TXNDC9: variants seen among roughly 807,000 people sequenced by gnomAD.
TXNDC9 encodes thioredoxin domain-containing protein 9.
TXNDC9 carries 7 observed loss-of-function variants against 23.0 expected under a neutral mutation model. The ratio of observed to expected loss-of-function variants is 0.30; its 90% CI spans 0.17 to 0.57. TXNDC9 has a LOEUF of 0.57. Ranked by LOEUF, TXNDC9 falls within the 20% of genes least tolerant of loss-of-function variation. TXNDC9 has a pLI of 0.90. For synonymous variants in TXNDC9, 72 were observed against 90.6 expected, an observed-to-expected ratio of 0.79 and a Z score of 1.17; for missense variants, 198 against 252.6, an observed-to-expected ratio of 0.78 and a Z score of 1.47.
At chr2:99,334,690 T>C (rs2094234432) in intron 1 of TXNDC9, among the ~76,000 whole-genome samples, 1 of 152,238 alleles carries the variant, frequency 6.6e-6, no homozygotes, top group African/African-American at 2.4e-5. Context: ...AAATGGAGTA[T>C]TTTGTACTAG....
intron 2 of TXNDC9, among the ~76,000 whole-genome samples, chr2:99,327,924 A>G (rs2094216552): frequency 2.0e-5 from 3 of 151,496 alleles, no homozygotes; most frequent in Admixed American, 2.0e-4. Context: ...AGCTGGGACT[A>G]CAGGCGGGCA....
chr2:99,314,098 T>C (rs898296864), downstream of TXNDC9, among the ~76,000 whole-genome samples: 1 of 152,236 alleles, frequency 6.6e-6, no homozygotes, highest in Admixed American at 6.5e-5. Flanking sequence ...TTTGCACTGA[T>C]TGCTCTGCGG....
intron 3 of TXNDC9, among the ~76,000 whole-genome samples, chr2:99,323,179 G>A (rs2094206286): frequency 6.6e-6 from 1 of 152,076 alleles, no homozygotes; most frequent in Non-Finnish European, 1.5e-5. Context: ...GGCTGAGGCA[G>A]GCGGATCACT....
intron 2 of TXNDC9, among the ~76,000 whole-genome samples, chr2:99,331,765 T>A (rs1318388339): frequency 6.6e-6 from 1 of 152,178 alleles, no homozygotes; most frequent in Admixed American, 6.5e-5. Context: ...GGTCTTGCTC[T>A]ATCATCCAGG....
chr2:99,316,229 A>G (rs2094188858), downstream of TXNDC9, among the ~76,000 whole-genome samples: 1 of 151,990 alleles, frequency 6.6e-6, no homozygotes, highest in African/African-American at 2.4e-5. Context: ...ATGCTGGAGT[A>G]TAGTGGTGCA....
the TXNDC9 span, among the ~76,000 whole-genome samples, chr2:99,309,520 A>C: frequency 4.6e-5 from 7 of 152,034 alleles, no homozygotes; most frequent in Non-Finnish European, 8.8e-5. Flanking sequence ...ATTAAAAAAA[A>C]AGAAAAGAAA....
At chr2:99,306,704 T>C in the TXNDC9 span, 4 of 427,242 alleles carry the variant, frequency 9.4e-6, no homozygotes, top group African/African-American at 4.1e-5. Flanking sequence ...TCTCCCCACA[T>C]TGCTGAACTG....
At chr2:99,330,671 A>G (rs565330231) in intron 2 of TXNDC9, among the ~76,000 whole-genome samples, 50 of 152,202 alleles carry the variant, frequency 3.3e-4, no homozygotes, top group Non-Finnish European at 5.0e-4. Flanking sequence ...GCTCTAGTTA[A>G]CAGTAGGAGG....
At chr2:99,310,511 C>G in the TXNDC9 span, among the ~76,000 whole-genome samples, 1 of 152,146 alleles carries the variant, frequency 6.6e-6, no homozygotes, top group African/African-American at 2.4e-5. Flanking sequence ...TGATTGGAAT[C>G]ACTAATGTGA....
At chr2:99,317,815 G>A (rs761823139), downstream of TXNDC9, among the ~76,000 whole-genome samples, 3 of 151,914 alleles carry the variant, frequency 2.0e-5, no homozygotes, top group Admixed American at 6.6e-5. Context: ...GGCACAAGTC[G>A]CCGCAGTTTA....
downstream of TXNDC9, among the ~76,000 whole-genome samples, chr2:99,316,089 CAT>C (rs1183275069): frequency 6.7e-6 from 1 of 148,714 alleles, no homozygotes; most frequent in Non-Finnish European, 1.5e-5. Context: ...TCCTCTGACT[CAT>C]AAAATAAAGC....
At chr2:99,306,369 ATGG>A in the TXNDC9 span, among the ~76,000 whole-genome samples, 1 of 152,062 alleles carries the variant, frequency 6.6e-6, no homozygotes, top group Non-Finnish European at 1.5e-5. Context: ...AGCCAGGGAC[ATGG>A]TGGCTCATAG....
chr2:99,306,779 C>T, the TXNDC9 span: 1 of 455,402 alleles, frequency 2.2e-6, no homozygotes, highest in African/African-American at 2.0e-5. Flanking sequence ...GGCCCTAGGG[C>T]CACCACCTGT....
intron 1 of TXNDC9, among the ~76,000 whole-genome samples, chr2:99,335,652 T>C (rs1370729664): frequency 1.3e-5 from 2 of 152,082 alleles, no homozygotes; most frequent in African/African-American, 4.8e-5. Flanking sequence ...AGATACTGAA[T>C]TGAACGTTGG....
chr2:99,312,682 A>G, the TXNDC9 span, among the ~76,000 whole-genome samples: 1 of 152,200 alleles, frequency 6.6e-6, no homozygotes, highest in Non-Finnish European at 1.5e-5. Flanking sequence ...TAACAAAGAC[A>G]AATGTTAGTG....
At chr2:99,313,636 T>TA in the TXNDC9 span, among the ~76,000 whole-genome samples, 13 of 151,986 alleles carry the variant, frequency 8.6e-5, no homozygotes, top group African/African-American at 1.7e-4. Flanking sequence ...ACCTGTCTCT[T>TA]AAAAAAAATC....
intron 2 of TXNDC9, 116 bp from the exon 3 acceptor site, chr2:99,327,769 A>AT: frequency 3.1e-6 from 2 of 635,196 alleles, no homozygotes; most frequent in Non-Finnish European, 5.2e-6. Context: ...TAAAAAAAAA[A>AT]GTTTTTTTTT....
At chr2:99,309,005 G>A in the TXNDC9 span, among the ~76,000 whole-genome samples, 1 of 151,260 alleles carries the variant, frequency 6.6e-6, no homozygotes, top group African/African-American at 2.4e-5. Flanking sequence ...CCTGGCCAAA[G>A]TAAAATAAAT....
the TXNDC9 span, among the ~76,000 whole-genome samples, chr2:99,307,097 TC>T: frequency 1.6e-5 from 2 of 125,874 alleles, 1 homozygote; most frequent in Non-Finnish European, 3.5e-5. Context: ...TCTCACTCTC[TC>T]TCTCCTTCTC....
Sources: allele counts gnomAD v4.1 joint callset (sites outside exome capture counted in the v4.1 genomes callset), GRCh38; gene constraint gnomAD v4.1.1; transcripts MANE v1.5; gene names NCBI Gene and HGNC (gene_info 2026-07-23, HGNC 2026-07-21).